COL28A1: variants seen among roughly 807,000 people sequenced by gnomAD.
The protein encoded by COL28A1 is collagen type XXVIII alpha 1 chain.
A neutral mutation model predicts 150.2 loss-of-function variants in COL28A1; 161 were observed. That is an observed-to-expected ratio of 1.07 (90% CI 0.94 to 1.22). The LOEUF is 1.22. COL28A1 is among the 50% of genes most tolerant of loss of function. The pLI, the probability that COL28A1 is intolerant of heterozygous loss-of-function variation, is 0.00. For synonymous variants in COL28A1, 552 were observed against 469.7 expected, an observed-to-expected ratio of 1.18 and a Z score of -2.26; for missense variants, 1,617 against 1,388.3, an observed-to-expected ratio of 1.16 and a Z score of -2.62.
intron 27 of COL28A1, among the ~76,000 whole-genome samples, chr7:7,402,367 G>A (rs1173818488): frequency 6.6e-6 from 1 of 152,170 alleles, no homozygotes; most frequent in Non-Finnish European, 1.5e-5. Context: ...ATTTTAGTGT[G>A]TGGTATATGG....
At chr7:7,512,005 G>A (rs1474126181) in intron 8 of COL28A1, among the ~76,000 whole-genome samples, 1 of 152,058 alleles carries the variant, frequency 6.6e-6, no homozygotes, top group Non-Finnish European at 1.5e-5. Flanking sequence ...AAGAGAATGT[G>A]GTATACAATG....
At chr7:7,443,450 G>A in intron 20 of COL28A1, 135 bp downstream of exon 20, 2 of 1,341,110 alleles carry the variant, frequency 1.5e-6, no homozygotes, top group Admixed American at 2.8e-5. Context: ...AAGCTTCCAA[G>A]ACAGTATTCA....
chr7:7,422,396 C>T (rs990129684), intron 25 of COL28A1, among the ~76,000 whole-genome samples: 18 of 151,968 alleles, frequency 1.2e-4, no homozygotes, highest in South Asian at 2.1e-4. Context: ...TCTGGCAGGC[C>T]GAGGTGGGTG....
intron 13 of COL28A1, among the ~76,000 whole-genome samples, chr7:7,478,423 C>T (rs1380467526): frequency 6.6e-6 from 1 of 152,262 alleles, no homozygotes; most frequent in East Asian, 1.9e-4. Flanking sequence ...TTTACAATCC[C>T]TTAGCCGGAC....
intron 13 of COL28A1, among the ~76,000 whole-genome samples, chr7:7,478,690 C>T (rs552808643): frequency 6.5e-4 from 99 of 152,376 alleles, no homozygotes; most frequent in African/African-American, 1.7e-3. Flanking sequence ...CCCTGCCCCG[C>T]GGAGAGGCAG....
chr7:7,444,950 T>TA (rs1403800061), intron 18 of COL28A1, among the ~76,000 whole-genome samples: 1 of 152,132 alleles, frequency 6.6e-6, no homozygotes, highest in Non-Finnish European at 1.5e-5. Context: ...GTTCTTATAA[T>TA]AGAGTTCTCA....
At chr7:7,455,414 G>C (rs1787067202) in intron 16 of COL28A1, among the ~76,000 whole-genome samples, 1 of 152,102 alleles carries the variant, frequency 6.6e-6, no homozygotes, top group Non-Finnish European at 1.5e-5. Context: ...TTTTCCAAAA[G>C]TTATCAGAAG....
At chr7:7,509,705 T>C (rs1258941750) in intron 9 of COL28A1, among the ~76,000 whole-genome samples, 1 of 152,226 alleles carries the variant, frequency 6.6e-6, no homozygotes, top group East Asian at 1.9e-4. Flanking sequence ...CCTGACATCT[T>C]AGTCAATGAA....
chr7:7,511,169 C>A, intron 8 of COL28A1, 34 bp from the exon 9 acceptor site: 1 of 1,495,066 alleles, frequency 6.7e-7, no homozygotes, highest in African/African-American at 1.4e-5. Context: ...AATAAGAGAA[C>A]ACTTGCAGTC....
In COL28A1 at chr7:7,524,224, C is replaced by T. The variant is rs761446846; in HGVS notation, c.702+5G>A. On this transcript the variant is annotated splice_donor_5th_base_variant and intron_variant, in intron 4 of 34. Transcript: ENST00000399429. ...TTCGTAGTAATCAAAGCATGTGGTGCTTACCTTCTTTTCAAATAAGATATC... is the reference window on the plus strand; with the variant it reads ...TTCGTAGTAATCAAAGCATGTGGTGTTTACCTTCTTTTCAAATAAGATATC... 1 of 1,299,002 alleles carries T rather than the reference C, an allele frequency of 7.7e-7. No homozygotes were observed. The highest frequency in any genetic ancestry group is 2.3e-5 in the East Asian group (1 of 43,500). The allele number at this position is 1,299,002 out of a possible 1,614,324, so 80.5% of individuals were successfully genotyped here. A position where few individuals can be genotyped will look rare whatever the true frequency, so the allele number is the denominator to read the frequency against.
chr7:7,428,894 A>G (rs138661743), intron 25 of COL28A1, among the ~76,000 whole-genome samples: 2 of 152,372 alleles, frequency 1.3e-5, no homozygotes, highest in East Asian at 1.9e-4. Context: ...CAGAAGGACA[A>G]TAACCACTGA....
intron 13 of COL28A1, among the ~76,000 whole-genome samples, chr7:7,478,956 T>C (rs1261350878): frequency 6.6e-6 from 1 of 152,208 alleles, no homozygotes; most frequent in Non-Finnish European, 1.5e-5. Context: ...GGGAGCCGGC[T>C]CAGCCCTCGG....
At chr7:7,497,608 T>C (rs530869829) in intron 11 of COL28A1, among the ~76,000 whole-genome samples, 2 of 152,284 alleles carry the variant, frequency 1.3e-5, no homozygotes, top group African/African-American at 4.8e-5. Flanking sequence ...ATTGTATGAC[T>C]GCAGACTAAA....
At chr7:7,380,590 A>C in intron 30 of COL28A1, 70 bp downstream of exon 30, 1 of 1,340,150 alleles carries the variant, frequency 7.5e-7, no homozygotes, top group East Asian at 2.3e-5. Flanking sequence ...CATAATTCTA[A>C]AGCTAAAGCA....
At chr7:7,378,449 G>C (rs551708177) in intron 30 of COL28A1, among the ~76,000 whole-genome samples, 2 of 152,258 alleles carry the variant, frequency 1.3e-5, no homozygotes, top group South Asian at 4.1e-4. Flanking sequence ...ACACCGAAGT[G>C]ACATGTGGAG....
intron 11 of COL28A1, among the ~76,000 whole-genome samples, chr7:7,499,163 C>T (rs1780382689): frequency 6.6e-6 from 1 of 152,104 alleles, no homozygotes; most frequent in Non-Finnish European, 1.5e-5. Flanking sequence ...ACTAATGATT[C>T]TTTCCCTTTA....
At chr7:7,528,814 T>C (rs1782176602) in intron 3 of COL28A1, among the ~76,000 whole-genome samples, 2 of 152,214 alleles carry the variant, frequency 1.3e-5, no homozygotes, top group South Asian at 4.1e-4. Flanking sequence ...GGTAGTTTCA[T>C]AGGTGTGTAC....
At chr7:7,527,687 C>T (rs146301103) in intron 3 of COL28A1, among the ~76,000 whole-genome samples, 1 of 152,212 alleles carries the variant, frequency 6.6e-6, no homozygotes, top group African/African-American at 2.4e-5. Flanking sequence ...GGTCTCATGA[C>T]AGCAAAAGAA....
chr7:7,511,020 G>T, intron 9 of COL28A1, 71 bp downstream of exon 9: 1 of 1,226,886 alleles, frequency 8.2e-7, no homozygotes, highest in Non-Finnish European at 1.2e-6. Flanking sequence ...TTCAGCCCAG[G>T]AATTTCCCCT....
Sources: allele counts gnomAD v4.1 joint callset (sites outside exome capture counted in the v4.1 genomes callset), GRCh38; gene constraint gnomAD v4.1.1; transcripts MANE v1.5; gene names NCBI Gene and HGNC (gene_info 2026-07-23, HGNC 2026-07-21).